Variants in XRN2 observed in about 807,000 individuals in gnomAD.
The protein encoded by XRN2 is 5'-3' exoribonuclease 2.
XRN2 carries 44 observed loss-of-function variants against 138.5 expected under a neutral mutation model. That is an observed-to-expected ratio of 0.32 (90% confidence interval 0.25 to 0.41). XRN2 has a LOEUF of 0.41. Ranked by LOEUF, XRN2 falls within the 10% of genes least tolerant of loss-of-function variation. XRN2 has a pLI of 1.00. For synonymous variants in XRN2, 354 were observed against 369.4 expected (o/e 0.96, Z 0.48); for missense variants, 937 against 1,169.3 (o/e 0.80, Z 2.90).
chr20:21,372,459 T>G (rs533716166), intron 27 of XRN2, among the ~76,000 whole-genome samples: 1 of 152,308 alleles, frequency 6.6e-6, no homozygotes, highest in South Asian at 2.1e-4. Context: ...AGCTAATTTT[T>G]AAAATATTTT....
At chr20:21,381,964 C>G in intron 27 of XRN2, 30 bp from the exon 28 acceptor site, 1 of 1,571,792 alleles carries the variant, frequency 6.4e-7, no homozygotes. Flanking sequence ...TTTTAAAAAT[C>G]TTCTTAACCC....
chr20:21,374,347 C>T (rs1328039747), intron 27 of XRN2, among the ~76,000 whole-genome samples: 3 of 152,006 alleles, frequency 2.0e-5, no homozygotes, highest in Non-Finnish European at 4.4e-5. Context: ...CAAGCTAGGA[C>T]CTCTCATAAT....
At position 21,365,623 on chromosome 20, in the gene XRN2, G is replaced by T. The variant is rs1416520751; in HGVS notation, c.2375G>T (p.Gly792Val). 1.2e-6 allele frequency: 2 copies of T among 1,613,336 alleles called. No homozygotes were observed. The highest frequency in any genetic ancestry group is 8.5e-7 in the Non-Finnish European group (1 of 1,179,972). ...KPSDWEKSSN[G>V]RQWKPQLGFN... is the part of the protein sequence containing the mutation. ...AGTGACTGGGAAAAATCCAGCAATG[G>T]ACGGCAGTGGAAGCCTCAGCTTGGC... The change falls in exon 26 of 30, where the codon GGA (glycine) becomes GTA (valine). Residue 792 changes from glycine (G) to valine (V), a missense_variant. Gly to Val is a moderately radical substitution (Grantham distance 109). Transcript: ENST00000377191.
chr20:21,306,069 C>G (rs1481755820), intron 1 of XRN2, among the ~76,000 whole-genome samples: 1 of 74,194 alleles, frequency 1.3e-5, no homozygotes, highest in Non-Finnish European at 3.1e-5. Context: ...ATTGTAGGAC[C>G]CAAAATAGCT....
At chr20:21,386,211 G>C (rs568967003) in intron 28 of XRN2, among the ~76,000 whole-genome samples, 3 of 152,340 alleles carry the variant, frequency 2.0e-5, no homozygotes, top group Admixed American at 2.0e-4. Flanking sequence ...CGTTGAATCT[G>C]TGTTCCCATG....
chr20:21,381,990 T>TGAAAAAGAAA lies in XRN2; in HGVS notation c.2585-4_2585-3insGAAAAAGAAA. ...TTCTTAACCCTTTCCTGTTTCTTTT[T>TGAAAAAGAAA]CAGATATGAGGCCCCAGGATTCCTG... On this transcript the variant is annotated splice_region_variant and splice_polypyrimidine_tract_variant and intron_variant, in intron 27 of 29. Transcript: ENST00000377191. The TGAAAAAGAAA allele has an allele frequency of 6.2e-7, 1 of 1,606,808 alleles. No individual in the cohort carries two copies. The highest frequency in any genetic ancestry group is 8.5e-7 in the Non-Finnish European group (1 of 1,176,708).
intron 15 of XRN2, among the ~76,000 whole-genome samples, chr20:21,342,648 T>G (rs911685274): frequency 6.6e-6 from 1 of 152,232 alleles, no homozygotes; most frequent in African/African-American, 2.4e-5. Flanking sequence ...ACAATAGTGA[T>G]TACTTACTGA....
rs1285358169 is a variant in XRN2, at chr20:21,374,214, TTA to T, written c.2584+5628_2584+5629del. On this transcript the variant is annotated intron_variant, in intron 27 of 29. Transcript: ENST00000377191. ...TACTAGATTCATTTCTTCTAATAGT[TTA>T]TATGTTCTTTGAAATCTTTTTGTGT... is the stretch of plus-strand genomic sequence containing the variant. Among the ~76,000 whole-genome samples the T allele has an allele frequency of 7.9e-5, 12 of 152,364 alleles. No individual in the cohort carries two copies. The South Asian group carries it at 1.9e-3, about 24-fold the overall frequency.
intron 27 of XRN2, among the ~76,000 whole-genome samples, chr20:21,370,783 C>T (rs1232360182): frequency 6.6e-6 from 1 of 152,198 alleles, no homozygotes; most frequent in Admixed American, 6.5e-5. Flanking sequence ...ATAGATTTTA[C>T]ATTGATTTTA....
intron 16 of XRN2, among the ~76,000 whole-genome samples, chr20:21,345,413 A>C (rs1277179918): frequency 6.6e-6 from 1 of 152,158 alleles, no homozygotes; most frequent in Non-Finnish European, 1.5e-5. Flanking sequence ...TCTAATTGTT[A>C]TTCTGTGACT....
At chr20:21,313,276 C>T (rs927319558) in intron 1 of XRN2, among the ~76,000 whole-genome samples, 3 of 152,204 alleles carry the variant, frequency 2.0e-5, no homozygotes, top group African/African-American at 7.2e-5. Flanking sequence ...TACAGTTTCC[C>T]CCTCTGGTCA....
rs1298777989 is a variant in XRN2 at position 21,377,445 on chromosome 20, C to G, written c.2585-4549C>G. Among the ~76,000 whole-genome samples, 5 of 151,386 alleles carry G rather than the reference C, an allele frequency of 3.3e-5. No individual in the cohort carries two copies. In the East Asian group the frequency reaches 9.7e-4, roughly 29 times the overall value. ...CTACTTTTTGTATTTTTAGTAGAGT[C>G]AGGGTTTTGCCATATTGGCCAGGCT... On this transcript the variant is annotated intron_variant, in intron 27 of 29. Coordinates refer to ENST00000377191, the MANE Select transcript of XRN2 (RefSeq NM_012255.5).
intron 24 of XRN2, among the ~76,000 whole-genome samples, chr20:21,362,923 C>T (rs1387276583): frequency 6.6e-6 from 1 of 152,166 alleles, no homozygotes; most frequent in African/African-American, 2.4e-5. Context: ...TAATTCCCTC[C>T]CACATCCCCA....
chr20:21,332,124 T>A (rs2038219742), intron 8 of XRN2, among the ~76,000 whole-genome samples, 159 bp from the exon 9 acceptor site: 1 of 152,208 alleles, frequency 6.6e-6, no homozygotes, highest in African/African-American at 2.4e-5. Context: ...GGACTTCCTG[T>A]TAACTGGGAA....
At chr20:21,370,664 C>G (rs2038751285) in intron 27 of XRN2, among the ~76,000 whole-genome samples, 2 of 152,136 alleles carry the variant, frequency 1.3e-5, no homozygotes, top group Admixed American at 1.3e-4. Flanking sequence ...TTTCCTTAAC[C>G]CCTCATAATC....
At chr20:21,378,892 G>A (rs1489395049) in intron 27 of XRN2, among the ~76,000 whole-genome samples, 1 of 152,218 alleles carries the variant, frequency 6.6e-6, no homozygotes, top group Non-Finnish European at 1.5e-5. Context: ...TGGCTGATGA[G>A]TAATTGTCTG....
chr20:21,369,586 C>A (rs546712154), intron 27 of XRN2, among the ~76,000 whole-genome samples: 1 of 152,308 alleles, frequency 6.6e-6, no homozygotes, highest in Non-Finnish European at 1.5e-5. Context: ...GATGATACCT[C>A]ATTGTAGTTC....
In XRN2 at chr20:21,348,422, A is replaced by T; in HGVS notation, c.1855A>T (p.Ser619Cys). The T allele has an allele frequency of 6.2e-7, 1 of 1,613,938 alleles. No homozygotes were observed. Among genetic ancestry groups the T allele is most frequent in the Non-Finnish European group, 8.5e-7 (1 of 1,179,886 alleles). Residue 619 changes from serine to cysteine, a missense_variant, in exon 19 of 30, where the codon AGT becomes TGT. Transcript: ENST00000377191. ...ACCTCCATCATGGCGGAAGCTCATG[A>T]GTGATCCTGTGAGTCTCAGTATTTT... is the stretch of plus-strand genomic sequence containing the variant. ...FLPPSWRKLM[S>C]DPDSSIIDFY...
At position 21,365,184 on chromosome 20, in the gene XRN2, C is replaced by G. The variant is rs140897388; in HGVS notation, c.2256-237C>G. ...AGTTGGGGCAATGTCTGTTACTTCTCTGTCATCACCAATAGTCAGCTAGAA... is the reference window on the plus strand; with the variant it reads ...AGTTGGGGCAATGTCTGTTACTTCTGTGTCATCACCAATAGTCAGCTAGAA... On this transcript the variant is annotated intron_variant, in intron 24 of 29. Transcript: ENST00000377191. 9.5e-4 allele frequency among the ~76,000 whole-genome samples: 144 copies of G among 152,302 alleles called. No homozygotes were observed. In the East Asian group the frequency reaches 0.021, roughly 22 times the overall value.
Sources: allele counts gnomAD v4.1 joint callset (sites outside exome capture counted in the v4.1 genomes callset), GRCh38; gene constraint gnomAD v4.1.1; transcripts MANE v1.5; gene names NCBI Gene and HGNC (gene_info 2026-07-23, HGNC 2026-07-21).